Variants in CREB3L1 observed in about 807,000 individuals in gnomAD.
The protein encoded by CREB3L1 is cAMP responsive element binding protein 3 like 1, also known as cyclic AMP-responsive element-binding protein 3-like protein 1.
CREB3L1 carries 33 observed loss-of-function variants against 54.5 expected under a neutral mutation model. That is an observed-to-expected ratio of 0.61 (90% CI 0.46 to 0.81). The LOEUF is 0.81. Ranked by LOEUF, CREB3L1 falls within the 30% of genes least tolerant of loss-of-function variation. CREB3L1 has a pLI of 0.00. For missense variants in CREB3L1, 656 were observed against 673.3 expected (o/e 0.97, Z 0.29); for synonymous variants, 284 against 286.4 (o/e 0.99, Z 0.08).
intron 3 of CREB3L1, among the ~76,000 whole-genome samples, chr11:46,309,221 A>G (rs1458369172): frequency 6.6e-6 from 1 of 152,180 alleles, no homozygotes; most frequent in Non-Finnish European, 1.5e-5. Context: ...CTTACTCATC[A>G]GCCTACATTC....
chr11:46,303,813 C>A (rs995584504), intron 2 of CREB3L1, among the ~76,000 whole-genome samples: 5 of 152,044 alleles, frequency 3.3e-5, no homozygotes, highest in African/African-American at 1.2e-4. Flanking sequence ...CCAGCCTGGG[C>A]AACATAGCAA....
intron 1 of CREB3L1, among the ~76,000 whole-genome samples, chr11:46,281,558 A>G (rs1590336350): frequency 6.6e-6 from 1 of 152,044 alleles, no homozygotes; most frequent in East Asian, 1.9e-4. Flanking sequence ...ACACCCGTTT[A>G]CTCCCTGCAG....
chr11:46,312,940 C>T (rs1222612379), intron 8 of CREB3L1, 21 bp downstream of exon 8: 1 of 1,549,538 alleles, frequency 6.5e-7, no homozygotes, highest in African/African-American at 1.4e-5. Flanking sequence ...CCTCCTGCAT[C>T]CAACCTGGCC....
chr11:46,290,929 C>G (rs1224563779), intron 1 of CREB3L1, among the ~76,000 whole-genome samples: 1 of 152,160 alleles, frequency 6.6e-6, no homozygotes, highest in African/African-American at 2.4e-5. Flanking sequence ...ACCCAGCACT[C>G]CCCGCTCCCC....
intron 1 of CREB3L1, among the ~76,000 whole-genome samples, chr11:46,294,818 C>A (rs541552891): frequency 6.6e-6 from 1 of 151,434 alleles, no homozygotes; most frequent in Non-Finnish European, 1.5e-5. Context: ...GGCAAGTAAC[C>A]GTCCGGGAAT....
chr11:46,309,167 C>G (rs996858747), intron 3 of CREB3L1, among the ~76,000 whole-genome samples: 1 of 152,118 alleles, frequency 6.6e-6, no homozygotes, highest in Non-Finnish European at 1.5e-5. Flanking sequence ...GGATGTAGAC[C>G]AAGGAATCTC....
chr11:46,318,939 G>A (rs1457311137), intron 10 of CREB3L1, among the ~76,000 whole-genome samples: 8 of 152,086 alleles, frequency 5.3e-5, no homozygotes, highest in African/African-American at 1.2e-4. Context: ...GCTCCTCCCC[G>A]GACACGTGCA....
intron 1 of CREB3L1, among the ~76,000 whole-genome samples, chr11:46,297,206 G>A (rs1939223298): frequency 6.6e-6 from 1 of 152,208 alleles, no homozygotes; most frequent in Non-Finnish European, 1.5e-5. Flanking sequence ...TAGCCAGCGC[G>A]GCCCTGGCTG....
rs748464400 is a variant in CREB3L1, at chr11:46,312,842, C to T, written c.963-9C>T. The T allele has an allele frequency of 9.5e-6, 15 of 1,586,398 alleles. No homozygotes were observed. In the Admixed American group the frequency reaches 2.5e-4, roughly 27 times the overall value. On this transcript the variant is annotated splice_polypyrimidine_tract_variant and intron_variant, in intron 7 of 11. Transcript: ENST00000621158. ...TGCCCCTGAGCCTGTGCCTGCTTGG[C>T]CCCTACAGGGTGGAGACATTTACAT...
Position 46,277,981 on chromosome 11 carries a change from TC to T in CREB3L1, c.-126del. Reference sequence around the variant, plus strand: ...GGGCCGCGCCGCCTCCGTCCGCCCCTCCCCCGGGGCTTCGCCCCGGACCTGC... The same window carrying T: ...GGGCCGCGCCGCCTCCGTCCGCCCCTCCCCGGGGCTTCGCCCCGGACCTGC... On this transcript the variant is annotated 5_prime_UTR_variant, in exon 1 of 12. Coordinates refer to ENST00000621158, the MANE Select transcript of CREB3L1 (RefSeq NM_052854.4). 2.9e-6 allele frequency: 1 copy of T among 343,826 alleles called. No homozygotes were observed. The highest frequency in any genetic ancestry group is 5.0e-6 in the Non-Finnish European group (1 of 200,342). The allele number at this position is 343,826 out of a possible 1,614,324, so 21.3% of individuals were successfully genotyped here. A position where few individuals can be genotyped will look rare whatever the true frequency, so the allele number is the denominator to read the frequency against.
At chr11:46,300,743 C>T (rs895620018) in intron 2 of CREB3L1, among the ~76,000 whole-genome samples, 1 of 151,086 alleles carries the variant, frequency 6.6e-6, no homozygotes, top group African/African-American at 2.4e-5. Flanking sequence ...CGGTGGCTCA[C>T]GCCTGTAATC....
At chr11:46,288,073 T>A (rs1939081350) in intron 1 of CREB3L1, among the ~76,000 whole-genome samples, 1 of 151,872 alleles carries the variant, frequency 6.6e-6, no homozygotes, top group Non-Finnish European at 1.5e-5. Flanking sequence ...TTTTTTTATT[T>A]TATTTATTTA....
At chr11:46,309,045 G>A (rs939198131) in intron 3 of CREB3L1, among the ~76,000 whole-genome samples, 7 of 152,214 alleles carry the variant, frequency 4.6e-5, no homozygotes, top group African/African-American at 1.7e-4. Flanking sequence ...GCCAGACCCT[G>A]AAGCCCACGC....
In CREB3L1 at chr11:46,304,475, GA is replaced by G. The variant is rs367800848; in HGVS notation, c.332-3331del. 1.4e-4 allele frequency among the ~76,000 whole-genome samples: 21 copies of G among 148,614 alleles called. 1 individual carries two copies. The highest frequency in any genetic ancestry group is 8.5e-4 in the South Asian group (4 of 4,706). On this transcript the variant is annotated intron_variant, in intron 2 of 11. Coordinates refer to ENST00000621158, the MANE Select transcript of CREB3L1 (RefSeq NM_052854.4). ...AACAAGAGCGAAATTCCATCTCAAAGAAAAAAAAAATAGAAGCTCATGTGTG... is the reference window on the plus strand; with the variant it reads ...AACAAGAGCGAAATTCCATCTCAAAGAAAAAAAAATAGAAGCTCATGTGTG...
At chr11:46,308,196 G>A (rs910080025) in intron 3 of CREB3L1, among the ~76,000 whole-genome samples, 196 bp downstream of exon 3, 6 of 151,830 alleles carry the variant, frequency 4.0e-5, no homozygotes, top group African/African-American at 1.5e-4. Context: ...TACCGCAACG[G>A]GCACAAGCCA....
intron 1 of CREB3L1, among the ~76,000 whole-genome samples, chr11:46,292,734 C>T (rs1425361134): frequency 6.6e-6 from 1 of 152,108 alleles, no homozygotes; most frequent in East Asian, 1.9e-4. Flanking sequence ...TCAAGTAATC[C>T]TCCTTCAGCC....
intron 2 of CREB3L1, among the ~76,000 whole-genome samples, chr11:46,304,411 C>G (rs181896746): frequency 3.3e-5 from 5 of 152,004 alleles, no homozygotes; most frequent in Non-Finnish European, 7.4e-5. Flanking sequence ...GCAGAGGTTG[C>G]GGTGAACTGA....
intron 1 of CREB3L1, among the ~76,000 whole-genome samples, chr11:46,299,280 A>G (rs1939257226): frequency 6.6e-6 from 1 of 152,140 alleles, no homozygotes; most frequent in Admixed American, 6.6e-5. Flanking sequence ...CCACCATTCG[A>G]ACCTAAATAG....
At chr11:46,288,135 T>G (rs1427545361) in intron 1 of CREB3L1, among the ~76,000 whole-genome samples, 1 of 152,126 alleles carries the variant, frequency 6.6e-6, no homozygotes, top group Non-Finnish European at 1.5e-5. Flanking sequence ...CAGGCTGGAA[T>G]GCAATGGCGC....
Sources: gnomAD v4.1 joint callset for allele counts (sites outside exome capture counted in the v4.1 genomes callset) on GRCh38, gnomAD v4.1.1 for gene constraint, MANE v1.5 for transcripts, NCBI Gene and HGNC (gene_info 2026-07-23, HGNC 2026-07-21) for gene names.